Variants in RPE observed in about 807,000 individuals in gnomAD.
RPE encodes ribulose-5-phosphate-3-epimerase, also known as ribulose-phosphate 3-epimerase.
In RPE, 16 loss-of-function variants were observed where a neutral mutation model predicts 24.6. The ratio of observed to expected loss-of-function variants is 0.65; its 90% CI spans 0.44 to 0.99. The LOEUF is 0.99. Ranked by LOEUF, RPE falls within the 50% of genes least tolerant of loss-of-function variation. RPE has a pLI of 0.00. For synonymous variants in RPE, 93 were observed against 98.4 expected (o/e 0.94, Z 0.33); for missense variants, 240 against 294.5 (o/e 0.81, Z 1.35).
At chr2:210,017,816 C>G (rs1268783792) in intron 5 of RPE, 1 of 584,874 alleles carries the variant, frequency 1.7e-6, no homozygotes. Flanking sequence ...GTGATCTCTG[C>G]TCACTGCAAT....
At chr2:210,002,822 G>A in intron 1 of RPE, 39 bp downstream of exon 1, 2 of 1,614,074 alleles carry the variant, frequency 1.2e-6, no homozygotes, top group Non-Finnish European at 1.7e-6. Flanking sequence ...GCCGCGCGGC[G>A]GGGCGGATCA....
chr2:210,018,491 ACTG>A, intron 5 of RPE: 1 of 984,456 alleles, frequency 1.0e-6, no homozygotes, highest in Non-Finnish European at 1.2e-6. Context: ...AGCTTACATG[ACTG>A]CTTTTCTTCC....
At chr2:210,017,405 T>TCCCCCCCC in intron 4 of RPE, 68 bp from the exon 5 acceptor site, 3 of 1,222,650 alleles carry the variant, frequency 2.5e-6, no homozygotes, top group Non-Finnish European at 3.5e-6. Flanking sequence ...TGTTTGATTG[T>TCCCCCCCC]CCCCCACCCC....
Position 210,011,369 on chromosome 2 carries a change from C to T in RPE, c.202+1633C>T, listed in dbSNP as rs539006391. Among the ~76,000 whole-genome samples the T allele has an allele frequency of 3.9e-5, 6 of 152,260 alleles. No individual in the cohort carries two copies. In the East Asian group the frequency reaches 1.2e-3, roughly 29 times the overall value. The stretch of plus-strand genomic sequence containing the variant: ...GTACAACCAATGGCCAGAATCCTCG[C>T]TTCTGGCTTGCTTGTGTGAATTTTT... On this transcript the variant is annotated intron_variant, in intron 2 of 5. Transcript: ENST00000359429.
At chr2:210,011,645 G>A (rs939696266) in intron 2 of RPE, among the ~76,000 whole-genome samples, 9 of 151,978 alleles carry the variant, frequency 5.9e-5, no homozygotes, top group African/African-American at 2.2e-4. Context: ...TGTGACCCTT[G>A]TTTTTTGGTT....
In RPE at chr2:210,016,053, C is replaced by T; in HGVS notation, c.283C>T (p.Leu95Phe). The T allele has an allele frequency of 6.2e-7, 1 of 1,614,216 alleles. No individual in the cohort carries two copies. The highest frequency in any genetic ancestry group is 8.5e-7 in the Non-Finnish European group (1 of 1,180,046). ...AGGAGCCAATCAGTACACCTTTCAT[C>T]TCGAGGCTACTGAGAACCCAGGGGC... is the stretch of plus-strand genomic sequence containing the variant. ...VAGANQYTFH[L>F]EATENPGALI... The change falls in exon 3 of 6, where the codon CTC (leucine) becomes TTC (phenylalanine). Residue 95 changes from leucine (L) to phenylalanine (F), a missense_variant. Coordinates refer to ENST00000359429, the MANE Select transcript of RPE (RefSeq NM_199229.3).
chr2:210,020,015 T>C lies in RPE; in HGVS notation c.*224T>C. 1 of 382,936 alleles carries C rather than the reference T, an allele frequency of 2.6e-6. No homozygotes were observed. The allele number at this position is 382,936 out of a possible 1,614,324, so 23.7% of individuals were successfully genotyped here. On this transcript the variant is annotated 3_prime_UTR_variant, in exon 6 of 6. Coordinates refer to ENST00000359429, the MANE Select transcript of RPE (RefSeq NM_199229.3). ...ATTTATTGATTAGTGAGTAAGATAC[T>C]GTTTTTATTGAGAGATTTGATTTTT...
intron 5 of RPE, among the ~76,000 whole-genome samples, chr2:210,019,234 T>A (rs1214209898): frequency 3.9e-5 from 6 of 152,202 alleles, no homozygotes; most frequent in African/African-American, 1.4e-4. Flanking sequence ...TTATGGATAA[T>A]TTTACATTTT....
rs2093836365 is a variant in RPE at position 210,019,954 on chromosome 2, G to A, written c.*163G>A. 2 of 895,494 alleles carry A rather than the reference G, an allele frequency of 2.2e-6. No homozygotes were observed. Among genetic ancestry groups the A allele is most frequent in the East Asian group, 5.9e-5 (2 of 33,978 alleles). The allele number at this position is 895,494 out of a possible 1,614,324, so 55.5% of individuals were successfully genotyped here. A position where few individuals can be genotyped will look rare whatever the true frequency, so the allele number is the denominator to read the frequency against. ...TTGTGCAGAATATTCTAAGAGGTCA[G>A]AAATTGGTGTGTATAACTACATTTT... On this transcript the variant is annotated 3_prime_UTR_variant, in exon 6 of 6. Coordinates refer to ENST00000359429, the MANE Select transcript of RPE (RefSeq NM_199229.3).
intron 1 of RPE, among the ~76,000 whole-genome samples, chr2:210,006,968 C>T (rs1035380993): frequency 1.3e-5 from 2 of 152,186 alleles, no homozygotes; most frequent in African/African-American, 2.4e-5. Context: ...ATCTCTTCTC[C>T]GCTAGACTTT....
intron 1 of RPE, 140 bp downstream of exon 1, chr2:210,002,923 T>C: frequency 1.3e-6 from 2 of 1,525,224 alleles, no homozygotes; most frequent in Non-Finnish European, 8.9e-7. Context: ...GGGTGTGGGG[T>C]AGGAGCCCTG....
intron 1 of RPE, among the ~76,000 whole-genome samples, chr2:210,009,171 G>A (rs1437959004): frequency 6.6e-6 from 1 of 152,192 alleles, no homozygotes; most frequent in Non-Finnish European, 1.5e-5. Flanking sequence ...GTGAAAGGTG[G>A]TCGTTACTAA....
At position 210,002,682 on chromosome 2, in the gene RPE, T is replaced by A; in HGVS notation, c.21T>A (p.Ile7=). 2 of 1,613,888 alleles carry A rather than the reference T, an allele frequency of 1.2e-6. No individual in the cohort carries two copies. Among genetic ancestry groups the A allele is most frequent in the Non-Finnish European group, 1.7e-6 (2 of 1,179,804 alleles). MASGCK[I]GPSILNSDLA... Reference sequence around the variant, plus strand: ...GCGGTATGGCGTCGGGCTGCAAGATTGGCCCGTCCATCCTCAACAGCGACC... The same window carrying A: ...GCGGTATGGCGTCGGGCTGCAAGATAGGCCCGTCCATCCTCAACAGCGACC... Residue 7 remains isoleucine, a synonymous_variant, in exon 1 of 6, where the codon ATT becomes ATA. Coordinates refer to ENST00000359429, the MANE Select transcript of RPE (RefSeq NM_199229.3).
chr2:210,009,110 G>A (rs1368827524), intron 1 of RPE, among the ~76,000 whole-genome samples: 1 of 152,194 alleles, frequency 6.6e-6, no homozygotes, highest in East Asian at 1.9e-4. Flanking sequence ...TAAGGCTGTC[G>A]TGAAGATGAA....
intron 1 of RPE, among the ~76,000 whole-genome samples, 179 bp downstream of exon 1, chr2:210,002,962 G>C (rs528654330): frequency 7.9e-5 from 12 of 152,238 alleles, no homozygotes; most frequent in Admixed American, 7.8e-4. Context: ...GAACCGACGC[G>C]GTATCCTGGG....
At position 210,019,760 on chromosome 2, in the gene RPE, A is replaced by C. The variant is rs771813709; in HGVS notation, c.656A>C (p.Glu219Ala). Residue 219 changes from glutamate to alanine, a missense_variant, in exon 6 of 6, where the codon GAA becomes GCA. Coordinates refer to ENST00000359429, the MANE Select transcript of RPE (RefSeq NM_199229.3). ...VINLLRNVCS[E>A]AAQKRSLDR ...AATCTATTAAGAAATGTTTGCTCAG[A>C]AGCTGCTCAGAAACGTTCTCTTGAT... The C allele has an allele frequency of 6.2e-7, 1 of 1,613,190 alleles. No homozygotes were observed. Among genetic ancestry groups the C allele is most frequent in the Non-Finnish European group, 8.5e-7 (1 of 1,179,454 alleles).
At chr2:210,012,034 T>C (rs141049350) in intron 2 of RPE, among the ~76,000 whole-genome samples, 38 of 152,268 alleles carry the variant, frequency 2.5e-4, no homozygotes, top group Non-Finnish European at 4.7e-4. Context: ...ATTTTGGTTG[T>C]TGGATAATTG....
chr2:210,021,852 C>G lies in RPE; in HGVS notation c.*2061C>G, dbSNP rs2093861643. The G allele has an allele frequency of 6.6e-6, 1 of 150,488 alleles. No individual in the cohort carries two copies. Among genetic ancestry groups the G allele is most frequent in the Admixed American group, 6.7e-5 (1 of 14,948 alleles). 9.3% of individuals were successfully genotyped at this position (150,488 alleles called of 1,614,324 possible). On this transcript the variant is annotated 3_prime_UTR_variant, in exon 6 of 6. Coordinates refer to ENST00000359429, the MANE Select transcript of RPE (RefSeq NM_199229.3). ...CAGTATCCAATATTGAAGCTTTGTT[C>G]TTTGAAAAATTTTAATTTCCAATCT...
intron 1 of RPE, among the ~76,000 whole-genome samples, chr2:210,009,292 A>G (rs186456458): frequency 1.2e-4 from 19 of 152,292 alleles, no homozygotes; most frequent in Admixed American, 9.8e-4. Flanking sequence ...CCTGAGATAG[A>G]CTAGGATTCA....
Sources: gnomAD v4.1 joint callset for allele counts (sites outside exome capture counted in the v4.1 genomes callset) on GRCh38, gnomAD v4.1.1 for gene constraint, MANE v1.5 for transcripts, NCBI Gene and HGNC (gene_info 2026-07-23, HGNC 2026-07-21) for gene names.